The following CDH8 variants were observed in gnomAD, a reference collection of about 807,000 sequenced individuals.
The protein encoded by CDH8 is cadherin 8.
Under a neutral mutation model 68.1 loss-of-function variants are expected in CDH8, and 17 were observed. The ratio of observed to expected loss-of-function variants is 0.25; its 90% CI spans 0.17 to 0.37. The LOEUF is 0.37. Ranked by LOEUF, CDH8 falls within the 10% of genes least tolerant of loss-of-function variation. CDH8 has a pLI of 1.00. For missense variants in CDH8, 763 were observed against 999.3 expected (o/e 0.76, Z 3.19); for synonymous variants, 372 against 365.1 (o/e 1.02, Z -0.21).
intron 2 of CDH8, among the ~76,000 whole-genome samples, chr16:61,914,748 A>G (rs539687711): frequency 1.5e-3 from 225 of 152,018 alleles, no homozygotes; most frequent in South Asian, 3.3e-3. Context: ...GAGTTAAAAA[A>G]AAAAAAAAAA....
At chr16:61,736,767 C>G (rs1959698684) in intron 8 of CDH8, among the ~76,000 whole-genome samples, 1 of 152,070 alleles carries the variant, frequency 6.6e-6, no homozygotes. Flanking sequence ...AGCAATAAAA[C>G]TAATCAGATA....
chr16:62,016,318 T>C (rs1301742353), intron 2 of CDH8, among the ~76,000 whole-genome samples: 1 of 152,208 alleles, frequency 6.6e-6, no homozygotes, highest in Non-Finnish European at 1.5e-5. Flanking sequence ...TAGATAGATC[T>C]GTGTTTGCTC....
At position 61,647,879 on chromosome 16, in the gene CDH8, C is replaced by T. The variant is rs779155085; in HGVS notation, c.*5729G>A. 2.7e-5 allele frequency: 19 copies of T among 698,580 alleles called. No individual in the cohort carries two copies. The highest frequency in any genetic ancestry group is 1.3e-4 in the South Asian group (9 of 67,418). 43.3% of individuals were successfully genotyped at this position (698,580 alleles called of 1,614,324 possible). A position where few individuals can be genotyped will look rare whatever the true frequency, so the allele number is the denominator to read the frequency against. On this transcript the variant is annotated 3_prime_UTR_variant, in exon 12 of 12. Coordinates refer to ENST00000577390, the MANE Select transcript of CDH8 (RefSeq NM_001796.5). ...TTGTGATATTCCTCCTAGCAACCCTCTTCTGTAATCTGTGGATAATAATAG... is the reference window on the plus strand; with the variant it reads ...TTGTGATATTCCTCCTAGCAACCCTTTTCTGTAATCTGTGGATAATAATAG...
intron 10 of CDH8, among the ~76,000 whole-genome samples, chr16:61,674,296 T>G (rs984589188): frequency 1.3e-5 from 2 of 151,830 alleles, no homozygotes; most frequent in African/African-American, 4.8e-5. Flanking sequence ...CTACTAAAAA[T>G]ACAAAAAATT....
chr16:61,892,634 A>C lies in CDH8; in HGVS notation c.547+8545T>G, dbSNP rs60369788. 2.0e-3 allele frequency among the ~76,000 whole-genome samples: 306 copies of C among 152,294 alleles called. 1 individual carries two copies. The highest frequency in any genetic ancestry group is 7.1e-3 in the African/African-American group (297 of 41,574). ...CAGACAAATAAAAATACAGAGTATT[A>C]TGGAGATTCCTGTCTCCATTCTTAA... On this transcript the variant is annotated intron_variant, in intron 3 of 11. Coordinates refer to ENST00000577390, the MANE Select transcript of CDH8 (RefSeq NM_001796.5).
intron 2 of CDH8, among the ~76,000 whole-genome samples, chr16:61,955,605 T>G (rs908294052): frequency 6.6e-6 from 1 of 152,212 alleles, no homozygotes; most frequent in African/African-American, 2.4e-5. Flanking sequence ...TTCTTAATTT[T>G]TTCTTTCTTT....
intron 2 of CDH8, among the ~76,000 whole-genome samples, chr16:61,936,093 C>A (rs1217248670): frequency 6.6e-6 from 1 of 152,072 alleles, no homozygotes; most frequent in Non-Finnish European, 1.5e-5. Context: ...AATAGTAATA[C>A]TTACCTTATA....
At chr16:61,968,010 C>T (rs941455925) in intron 2 of CDH8, among the ~76,000 whole-genome samples, 3 of 152,050 alleles carry the variant, frequency 2.0e-5, no homozygotes, top group African/African-American at 7.2e-5. Flanking sequence ...GGGTTTCACC[C>T]TGTTGGCCAG....
At chr16:61,781,333 C>G (rs1961047607) in intron 8 of CDH8, among the ~76,000 whole-genome samples, 1 of 152,026 alleles carries the variant, frequency 6.6e-6, no homozygotes, top group African/African-American at 2.4e-5. Flanking sequence ...TGGCATGGGC[C>G]TTGGTTGTGG....
At chr16:61,832,373 T>G (rs1048657958) in intron 4 of CDH8, among the ~76,000 whole-genome samples, 2 of 150,350 alleles carry the variant, frequency 1.3e-5, no homozygotes, top group Non-Finnish European at 3.0e-5. Context: ...GATAGATAGA[T>G]AGATAGATAC....
intron 1 of CDH8, among the ~76,000 whole-genome samples, chr16:62,027,609 A>C (rs977594898): frequency 2.0e-5 from 3 of 152,192 alleles, no homozygotes; most frequent in Admixed American, 6.5e-5. Context: ...ATTTAGAGCC[A>C]TTAGCAGCCT....
At chr16:62,031,484 ACT>A (rs1192514804) in intron 1 of CDH8, among the ~76,000 whole-genome samples, 3 of 152,050 alleles carry the variant, frequency 2.0e-5, no homozygotes, top group Non-Finnish European at 4.4e-5. Flanking sequence ...CTGAGCACTA[ACT>A]CTGTGCTTAG....
intron 8 of CDH8, among the ~76,000 whole-genome samples, chr16:61,754,028 C>G (rs1233922343): frequency 6.6e-6 from 1 of 152,144 alleles, no homozygotes; most frequent in Admixed American, 6.5e-5. Flanking sequence ...GGACTCCCAA[C>G]ATTTCTGGAT....
intron 6 of CDH8, 97 bp downstream of exon 6, chr16:61,820,829 G>C: frequency 1.0e-6 from 1 of 979,426 alleles, no homozygotes; most frequent in East Asian, 2.5e-5. Flanking sequence ...CCTACCAGCT[G>C]TGCAATTCTG....
intron 8 of CDH8, among the ~76,000 whole-genome samples, chr16:61,736,687 T>A (rs2142915004): frequency 6.6e-6 from 1 of 152,292 alleles, no homozygotes; most frequent in African/African-American, 2.4e-5. Flanking sequence ...GTGTCATATT[T>A]AAATACTGAA....
At chr16:61,993,214 A>G (rs1053191015) in intron 2 of CDH8, among the ~76,000 whole-genome samples, 1 of 152,192 alleles carries the variant, frequency 6.6e-6, no homozygotes, top group African/African-American at 2.4e-5. Context: ...TTTTCATATA[A>G]TCTGTCACCA....
chr16:61,684,730 G>A (rs1258977903), intron 10 of CDH8, among the ~76,000 whole-genome samples: 1 of 151,946 alleles, frequency 6.6e-6, no homozygotes, highest in East Asian at 1.9e-4. Context: ...TCCAGAGCTT[G>A]GCTGGGTTAA....
chr16:61,817,553 A>G lies in CDH8; in HGVS notation c.1203T>C (p.His401=). ...FSSPTYLLEV[H]ENAALNSVIG... The stretch of plus-strand genomic sequence containing the variant: ...TCACGGAGTTTAGAGCAGCATTTTC[A>G]TGAACTTCAAGTAGGTAAGTCGGTG... Residue 401 remains histidine (H), a synonymous_variant, in exon 7 of 12, where the codon CAT becomes CAC. Coordinates refer to ENST00000577390, the MANE Select transcript of CDH8 (RefSeq NM_001796.5). 1 of 1,613,986 alleles carries G rather than the reference A, an allele frequency of 6.2e-7. No homozygotes were observed. The highest frequency in any genetic ancestry group is 8.5e-7 in the Non-Finnish European group (1 of 1,179,942).
rs943229713 is a variant in CDH8 at position 61,647,539 on chromosome 16, T to G, written c.*6069A>C. 2 of 422,794 alleles carry G rather than the reference T, an allele frequency of 4.7e-6. No individual in the cohort carries two copies. The highest frequency in any genetic ancestry group is 2.1e-5 in the African/African-American group (1 of 48,518). 26.2% of individuals were successfully genotyped at this position (422,794 alleles called of 1,614,324 possible). ...TAGAGCATAATTGTTAAAATCTTCC[T>G]CTTATTTGTGAGGGATCATAGGATG... On this transcript the variant is annotated 3_prime_UTR_variant, in exon 12 of 12. Transcript: ENST00000577390.
Sources: allele counts gnomAD v4.1 joint callset (sites outside exome capture counted in the v4.1 genomes callset), GRCh38; gene constraint gnomAD v4.1.1; transcripts MANE v1.5; gene names NCBI Gene and HGNC (gene_info 2026-07-23, HGNC 2026-07-21).